NUP88: variants seen among roughly 807,000 people sequenced by gnomAD.
The protein encoded by NUP88 is nucleoporin 88.
A neutral mutation model predicts 93.9 loss-of-function variants in NUP88; 57 were observed. That is an observed-to-expected ratio of 0.61 (90% CI 0.49 to 0.76). The LOEUF (loss-of-function observed/expected upper bound fraction) is 0.76, where lower values mean the gene tolerates loss of function less well. NUP88 is among the 30% of genes least tolerant of loss of function. The pLI, the probability that NUP88 is intolerant of heterozygous loss-of-function variation, is 0.00. For synonymous variants in NUP88, 346 were observed against 336.8 expected, an observed-to-expected ratio of 1.03 and a Z score of -0.30; for missense variants, 911 against 901.0, an observed-to-expected ratio of 1.01 and a Z score of -0.14.
At chr17:5,413,266 C>A (rs977347542) in intron 3 of NUP88, among the ~76,000 whole-genome samples, 6 of 152,172 alleles carry the variant, frequency 3.9e-5, no homozygotes, top group Admixed American at 6.5e-5. Flanking sequence ...GCCACTGCAA[C>A]CAGCCAAGAT....
At chr17:5,410,364 G>C (rs968791831) in intron 4 of NUP88, among the ~76,000 whole-genome samples, 2 of 152,102 alleles carry the variant, frequency 1.3e-5, no homozygotes, top group Admixed American at 6.5e-5. Context: ...TGGTTAAAAT[G>C]AAATCACAAT....
In NUP88 at chr17:5,408,857, G is replaced by A. The variant is rs753639197; in HGVS notation, c.733C>T (p.Pro245Ser). The A allele has an allele frequency of 3.1e-6, 5 of 1,613,624 alleles. No individual in the cohort carries two copies. In the African/African-American group the frequency reaches 4.0e-5, roughly 13 times the overall value. The change falls in exon 5 of 17, where the codon CCA becomes TCA. Residue 245 changes from proline (P) to serine (S), a missense_variant. Coordinates refer to ENST00000573584, the MANE Select transcript of NUP88 (RefSeq NM_002532.6). ...GETAVAFDFGPLAAVPKTLFG... is the reference protein window; with the variant it reads ...GETAVAFDFGSLAAVPKTLFG... The stretch of plus-strand genomic sequence containing the variant: ...AGAGTCTTTGGGACTGCTGCCAATG[G>A]CCCAAAGTCAAATGCAACTGCTGTC...
chr17:5,389,267 G>A (rs755304173), intron 10 of NUP88, among the ~76,000 whole-genome samples: 64 of 152,252 alleles, frequency 4.2e-4, no homozygotes, highest in Non-Finnish European at 7.5e-4. Context: ...TTTATAAGCC[G>A]GAGCCACAAA....
rs1175579051 is a variant in NUP88, at chr17:5,404,340, C to T, written c.1045-94G>A. On this transcript the variant is annotated intron_variant, in intron 6 of 16. Transcript: ENST00000573584. ...CAAAAAGCTGGGTCAGGGCCGGGTGCGGCTGTTCTTGCCTGTAATCCCAGC... is the reference window on the plus strand; with the variant it reads ...CAAAAAGCTGGGTCAGGGCCGGGTGTGGCTGTTCTTGCCTGTAATCCCAGC... 26 of 1,338,642 alleles carry T rather than the reference C, an allele frequency of 1.9e-5. 1 individual carries two copies. Among genetic ancestry groups the T allele is most frequent in the East Asian group, 2.4e-5 (1 of 41,922 alleles). 82.9% of individuals were successfully genotyped at this position (1,338,642 alleles called of 1,614,324 possible).
At chr17:5,419,232 G>T in intron 1 of NUP88, 122 bp downstream of exon 1, 1 of 1,146,368 alleles carries the variant, frequency 8.7e-7, no homozygotes, top group Non-Finnish European at 1.2e-6. Context: ...GCGTATGGCA[G>T]CGTCGGAGTC....
intron 8 of NUP88, among the ~76,000 whole-genome samples, chr17:5,398,171 G>C (rs1200406252): frequency 6.6e-6 from 1 of 151,766 alleles, no homozygotes; most frequent in Admixed American, 6.6e-5. Flanking sequence ...CCAAAGTGCT[G>C]GGATTATAGG....
chr17:5,386,070 A>C lies in NUP88; in HGVS notation c.*136T>G. On this transcript the variant is annotated 3_prime_UTR_variant, in exon 17 of 17. Coordinates refer to ENST00000573584, the MANE Select transcript of NUP88 (RefSeq NM_002532.6). ...GCATTTACTCAATTATTATAAAACA[A>C]CATATTTAAAAAGATGAACCACACC... The C allele has an allele frequency of 1.6e-6, 1 of 632,214 alleles. No homozygotes were observed. The highest frequency in any genetic ancestry group is 2.8e-6 in the Non-Finnish European group (1 of 361,616). 39.2% of individuals were successfully genotyped at this position (632,214 alleles called of 1,614,324 possible). A position where few individuals can be genotyped will look rare whatever the true frequency, so the allele number is the denominator to read the frequency against.
intron 4 of NUP88, among the ~76,000 whole-genome samples, chr17:5,409,560 T>C (rs1913706507): frequency 6.6e-6 from 1 of 152,076 alleles, no homozygotes; most frequent in South Asian, 2.1e-4. Context: ...TCAACAGTTG[T>C]CTCTGAGCAG....
At chr17:5,403,753 G>A (rs576623050) in intron 7 of NUP88, among the ~76,000 whole-genome samples, 1 of 152,282 alleles carries the variant, frequency 6.6e-6, no homozygotes, top group Admixed American at 6.5e-5. Flanking sequence ...ACTGCAATGG[G>A]CATGGGAGTG....
intron 10 of NUP88, among the ~76,000 whole-genome samples, chr17:5,390,669 TC>T (rs1912358004): frequency 6.6e-6 from 1 of 151,894 alleles, no homozygotes. Context: ...TTATCTGAGT[TC>T]CTTAAAGGAG....
chr17:5,388,896 ACTCTGC>A lies in NUP88; in HGVS notation c.1543_1548del (p.Ala515_Glu516del). 6.2e-7 allele frequency: 1 copy of A among 1,613,868 alleles called. No individual in the cohort carries two copies. The highest frequency in any genetic ancestry group is 8.5e-7 in the Non-Finnish European group (1 of 1,179,870). On this transcript the variant is annotated inframe_deletion, in exon 11 of 17. Transcript: ENST00000573584. ...GTTTCAGCCAGAACACGGAGGGGAGACTCTGCCACTTCAACATCTTCTCGAGTACAA... is the reference window on the plus strand; with the variant it reads ...GTTTCAGCCAGAACACGGAGGGGAGACACTTCAACATCTTCTCGAGTACAA...
At chr17:5,400,502 A>AC (rs755762840) in intron 7 of NUP88, among the ~76,000 whole-genome samples, 2,158 of 151,940 alleles carry the variant, frequency 0.014, 34 homozygotes, top group South Asian at 0.025. Flanking sequence ...TCAAAAAAAA[A>AC]AAAAAAAAAA....
intron 9 of NUP88, among the ~76,000 whole-genome samples, chr17:5,391,874 C>A (rs1912459373): frequency 6.6e-6 from 1 of 152,208 alleles, no homozygotes; most frequent in Non-Finnish European, 1.5e-5. Context: ...ACTCAGGAAT[C>A]CCTAACTGTA....
rs1911887464 is a variant in NUP88, at chr17:5,385,565, T to C, written c.*641A>G. 4.3e-6 allele frequency: 1 copy of C among 230,982 alleles called. No homozygotes were observed. Among genetic ancestry groups the C allele is most frequent in the Non-Finnish European group, 8.6e-6 (1 of 116,776 alleles). 14.3% of individuals were successfully genotyped at this position (230,982 alleles called of 1,614,324 possible). A position where few individuals can be genotyped will look rare whatever the true frequency, so the allele number is the denominator to read the frequency against. On this transcript the variant is annotated 3_prime_UTR_variant, in exon 17 of 17. Coordinates refer to ENST00000573584, the MANE Select transcript of NUP88 (RefSeq NM_002532.6). ...CATTCTGCATACTAACCTATTTTTT[T>C]CTCCCTTTAAGGTGCTAAACTTGCA...
rs752723582 is a variant in NUP88 at position 5,414,130 on chromosome 17, T to C, written c.472A>G (p.Thr158Ala). Residue 158 changes from threonine (T) to alanine (A), a missense_variant, in exon 3 of 17, where the codon ACT (threonine) becomes GCT (alanine). Coordinates refer to ENST00000573584, the MANE Select transcript of NUP88 (RefSeq NM_002532.6). ...GGKSTVNCST[T>A]PVAERFFTSS... ...GTGAAAAATCTCTCCGCAACTGGAG[T>C]GGTACTAAAATAAAGATAATAATTT... 2.3e-5 allele frequency: 37 copies of C among 1,612,838 alleles called. No individual in the cohort carries two copies. The highest frequency in any genetic ancestry group is 3.0e-5 in the Non-Finnish European group (35 of 1,179,132).
In NUP88 at chr17:5,410,684, G is replaced by A. The variant is rs774746933; in HGVS notation, c.680+19C>T. 2.1e-6 allele frequency: 3 copies of A among 1,452,164 alleles called. No individual in the cohort carries two copies. The highest frequency in any genetic ancestry group is 1.4e-5 in the African/African-American group (1 of 70,224). 90.0% of individuals were successfully genotyped at this position (1,452,164 alleles called of 1,614,324 possible). On this transcript the variant is annotated intron_variant, in intron 4 of 16. Transcript: ENST00000573584. ...TAAGCTAATTAAAAAACCATTTCAA[G>A]ACTCAAATAAAAACTTACCCTTTAT...
rs1423566170 is a variant in NUP88 at position 5,400,139 on chromosome 17, TTAAAAAAA to T, written c.1193-497_1193-490del. 5.4e-5 allele frequency among the ~76,000 whole-genome samples: 6 copies of T among 111,614 alleles called. 1 individual carries two copies. In the Admixed American group the frequency reaches 5.6e-4, roughly 10 times the overall value. The allele number at this position is 111,614 out of a possible 152,430, so 73.2% of individuals were successfully genotyped here. A position where few individuals can be genotyped will look rare whatever the true frequency, so the allele number is the denominator to read the frequency against. On this transcript the variant is annotated intron_variant, in intron 7 of 16. Coordinates refer to ENST00000573584, the MANE Select transcript of NUP88 (RefSeq NM_002532.6). Reference sequence around the variant, plus strand: ...GCAGGGTTGCCACATCTTTCATTTGTTAAAAAAAAAAAAAAAAAGCACTGTGAACCACA... The same window carrying T: ...GCAGGGTTGCCACATCTTTCATTTGTAAAAAAAAAAGCACTGTGAACCACA...
At chr17:5,412,986 A>C (rs1271963551) in intron 3 of NUP88, among the ~76,000 whole-genome samples, 3 of 152,182 alleles carry the variant, frequency 2.0e-5, no homozygotes, top group Non-Finnish European at 4.4e-5. Flanking sequence ...TGACCTACAA[A>C]AGGGCCAGGA....
chr17:5,415,547 A>C (rs766409276), intron 2 of NUP88, among the ~76,000 whole-genome samples: 3 of 152,224 alleles, frequency 2.0e-5, no homozygotes, highest in African/African-American at 7.2e-5. Flanking sequence ...TAAGTTGCGG[A>C]GCTAAAAGCA....
Sources: gnomAD v4.1 joint callset for allele counts (sites outside exome capture counted in the v4.1 genomes callset) on GRCh38, gnomAD v4.1.1 for gene constraint, MANE v1.5 for transcripts, NCBI Gene and HGNC (gene_info 2026-07-23, HGNC 2026-07-21) for gene names.